XPC: variants seen among roughly 807,000 people sequenced by gnomAD.
XPC encodes DNA repair protein complementing XP-C cells.
A neutral mutation model predicts 95.8 loss-of-function variants in XPC; 76 were observed. The observed-to-expected ratio is 0.79, with a 90% CI of 0.66 to 0.96. The LOEUF (loss-of-function observed/expected upper bound fraction) is 0.96, where lower values mean the gene tolerates loss of function less well. Ranked by LOEUF, XPC falls within the 40% of genes least tolerant of loss-of-function variation. The pLI is 0.00. For synonymous variants in XPC, 442 were observed against 442.1 expected (o/e 1.00, Z 0.00); for missense variants, 1,146 against 1,179.8 (o/e 0.97, Z 0.42).
At chr3:14,149,044 G>T in intron 11 of XPC, 96 bp from the exon 12 acceptor site, 1 of 1,547,226 alleles carries the variant, frequency 6.5e-7, no homozygotes, top group East Asian at 2.3e-5. Context: ...CCTGGTACCT[G>T]GTGAACCCTC....
At chr3:14,165,831 T>C (rs1696357436) in intron 5 of XPC, 1 of 467,118 alleles carries the variant, frequency 2.1e-6, no homozygotes, top group Non-Finnish European at 3.8e-6. Context: ...CAAATTGCTT[T>C]GTTTTCAAAA....
Position 14,150,272 on chromosome 3 carries a change from G to A in XPC, c.2116-1324C>T, listed in dbSNP as rs143970406. Among the ~76,000 whole-genome samples the A allele has an allele frequency of 1.3e-3, 202 of 152,362 alleles. 2 individuals are homozygous for A. Among genetic ancestry groups the A allele is most frequent in the Non-Finnish European group, 2.2e-3 (150 of 68,036 alleles). The stretch of plus-strand genomic sequence containing the variant: ...GCTGAGGGCTGGCCCCTGGGCCTCA[G>A]CATACAGACTTCCTCTAGTGCAGGG... On this transcript the variant is annotated intron_variant, in intron 11 of 15. Transcript: ENST00000285021.
chr3:14,159,581 A>C (rs1696082739), intron 8 of XPC, 160 bp downstream of exon 8: 1 of 733,556 alleles, frequency 1.4e-6, no homozygotes, highest in Non-Finnish European at 2.3e-6. Flanking sequence ...ATACCCACTC[A>C]CATGCCCAAG....
chr3:14,158,598 A>T lies in XPC; in HGVS notation c.1285T>A (p.Ser429Thr). The T allele has an allele frequency of 6.2e-7, 1 of 1,613,476 alleles. No homozygotes were observed. Among genetic ancestry groups the T allele is most frequent in the Non-Finnish European group, 8.5e-7 (1 of 1,179,836 alleles). ...TCACTCCCACTCTCCTCTTTATAAG[A>T]CACCCTGGAGGCCACCCGCCGCTCC... The part of the protein sequence containing the change: ...GRERRVASRV[S>T]YKEESGSDEA... The change falls in exon 9 of 16, where the codon TCT (serine) becomes ACT (threonine). Residue 429 changes from serine to threonine, a missense_variant. By Grantham distance (58) the Ser-to-Thr change is moderately conservative (BLOSUM62 1). Coordinates refer to ENST00000285021, the MANE Select transcript of XPC (RefSeq NM_004628.5). This position sits in a 1 kb window ranked among gnomAD's most constrained non-coding sequence, Gnocchi z 5.2.
chr3:14,161,465 C>T (rs1696162469), intron 7 of XPC, among the ~76,000 whole-genome samples: 1 of 151,242 alleles, frequency 6.6e-6, no homozygotes, highest in African/African-American at 2.5e-5. Context: ...AAGGCTTATA[C>T]AACATGACCA....
chr3:14,169,836 C>A (rs951663777), intron 3 of XPC, among the ~76,000 whole-genome samples: 2 of 152,108 alleles, frequency 1.3e-5, no homozygotes, highest in Non-Finnish European at 2.9e-5. Context: ...ATTTTTCACT[C>A]TTTTTATAAA....
intron 1 of XPC, among the ~76,000 whole-genome samples, chr3:14,176,754 T>C (rs1696833832): frequency 6.6e-6 from 1 of 152,198 alleles, no homozygotes; most frequent in Non-Finnish European, 1.5e-5. Context: ...ATCTACCCAG[T>C]TTTTTCAGGA....
intron 2 of XPC, among the ~76,000 whole-genome samples, chr3:14,171,697 G>A (rs575765900): frequency 2.6e-5 from 4 of 152,098 alleles, no homozygotes; most frequent in Admixed American, 1.3e-4. Context: ...TTAGCTGGGC[G>A]TGGTGGTGGG....
chr3:14,155,562 A>AT (rs1284091609), intron 10 of XPC, among the ~76,000 whole-genome samples: 3 of 151,584 alleles, frequency 2.0e-5, no homozygotes, highest in Non-Finnish European at 4.4e-5. Flanking sequence ...CATTTTAACC[A>AT]TTTTTTTGTT....
intron 15 of XPC, 126 bp downstream of exon 15, chr3:14,147,162 CTG>C: frequency 1.0e-6 from 1 of 965,962 alleles, no homozygotes; most frequent in Non-Finnish European, 1.6e-6. Flanking sequence ...AGACAGAAGA[CTG>C]AGGTGTCCTA....
intron 7 of XPC, 151 bp from the exon 8 acceptor site, chr3:14,159,981 G>A: frequency 1.6e-6 from 1 of 628,170 alleles, no homozygotes; most frequent in Non-Finnish European, 2.7e-6. Context: ...TCCAGACACT[G>A]TTAAAAACGA....
intron 7 of XPC, 66 bp from the exon 8 acceptor site, chr3:14,159,896 T>G (rs1166958242): frequency 1.4e-6 from 2 of 1,461,098 alleles, no homozygotes; most frequent in African/African-American, 2.8e-5. Context: ...AGTTCAATGT[T>G]GTTTGTTATG....
intron 7 of XPC, among the ~76,000 whole-genome samples, chr3:14,162,505 G>C (rs1461596803): frequency 6.6e-6 from 1 of 152,180 alleles, no homozygotes; most frequent in Non-Finnish European, 1.5e-5. Context: ...TTTTTGAAAA[G>C]GATGCCATGA....
chr3:14,173,474 AAGTTTT>A (rs1178356521), intron 1 of XPC, among the ~76,000 whole-genome samples: 1 of 152,234 alleles, frequency 6.6e-6, no homozygotes, highest in African/African-American at 2.4e-5. Flanking sequence ...AAACATGTCC[AAGTTTT>A]ACCACAACAT....
intron 6 of XPC, 101 bp from the exon 7 acceptor site, chr3:14,165,034 G>T: frequency 6.8e-7 from 1 of 1,463,724 alleles, no homozygotes; most frequent in Non-Finnish European, 9.1e-7. Context: ...CGTGAGACCC[G>T]CCTGCCTCTG....
Position 14,145,605 on chromosome 3 carries a change from C to T in XPC, c.*336G>A. ...TCTCCCGGTGGCTTCCATACAAAAA[C>T]TGATGTTTCTAAAGATGGAAAGAAC... is the stretch of plus-strand genomic sequence containing the variant. On this transcript the variant is annotated 3_prime_UTR_variant, in exon 16 of 16. Coordinates refer to ENST00000285021, the MANE Select transcript of XPC (RefSeq NM_004628.5). The T allele has an allele frequency of 1.4e-6, 1 of 699,494 alleles. No homozygotes were observed. The allele number at this position is 699,494 out of a possible 1,614,324, so 43.3% of individuals were successfully genotyped here. A position where few individuals can be genotyped will look rare whatever the true frequency, so the allele number is the denominator to read the frequency against.
At chr3:14,165,690 T>G in intron 5 of XPC, 105 bp from the exon 6 acceptor site, 2 of 1,364,516 alleles carry the variant, frequency 1.5e-6, no homozygotes, top group South Asian at 2.6e-5. Flanking sequence ...AAATATGTGT[T>G]GCCATTTCTA....
Position 14,178,569 on chromosome 3 carries a change from G to C in XPC, c.-1C>G, listed in dbSNP as rs753409560. Reference sequence around the variant, plus strand: ...CGCCGGCCGCGCGTTTCCGAGCCATGTTGCTTGTCTGGGCAAATTCCACTT... The same window carrying C: ...CGCCGGCCGCGCGTTTCCGAGCCATCTTGCTTGTCTGGGCAAATTCCACTT... On this transcript the variant is annotated 5_prime_UTR_variant, in exon 1 of 16. Transcript: ENST00000285021. 3.1e-6 allele frequency: 5 copies of C among 1,612,500 alleles called. No individual in the cohort carries two copies. Among genetic ancestry groups the C allele is most frequent in the African/African-American group, 1.3e-5 (1 of 74,910 alleles).
Position 14,150,777 on chromosome 3 carries a change from A to G in XPC, c.2115+1558T>C, listed in dbSNP as rs1695656360. On this transcript the variant is annotated intron_variant, in intron 11 of 15. Coordinates refer to ENST00000285021, the MANE Select transcript of XPC (RefSeq NM_004628.5). ...TGCTCAAAACAGGTCCCGCCTGAGCAGAGGCTTAAAGGGGCAAGGGGTTGC... is the reference window on the plus strand; with the variant it reads ...TGCTCAAAACAGGTCCCGCCTGAGCGGAGGCTTAAAGGGGCAAGGGGTTGC... Among the ~76,000 whole-genome samples, 3 of 152,182 alleles carry G rather than the reference A, an allele frequency of 2.0e-5. No individual in the cohort carries two copies. The South Asian group carries it at 6.2e-4, about 32-fold the overall frequency.
Sources: gnomAD v4.1 joint callset for allele counts (sites outside exome capture counted in the v4.1 genomes callset) on GRCh38, gnomAD v4.1.1 for gene constraint, Gnocchi (gnomAD v3.1) non-coding constraint, MANE v1.5 for transcripts, NCBI Gene and HGNC (gene_info 2026-07-23, HGNC 2026-07-21) for gene names.